The following PCDHGB4 variants were observed in gnomAD, a reference collection of about 807,000 sequenced individuals.
The protein encoded by PCDHGB4 is protocadherin gamma-B4.
Under a neutral mutation model 60.5 loss-of-function variants are expected in PCDHGB4, and 38 were observed. The observed-to-expected ratio is 0.63, with a 90% CI of 0.48 to 0.82. The LOEUF (loss-of-function observed/expected upper bound fraction) is 0.82. Among genes scored for constraint, PCDHGB4 ranks in the 40% least tolerant of loss-of-function variants. The pLI, the probability that PCDHGB4 is intolerant of heterozygous loss-of-function variation, is 0.00. For missense variants in PCDHGB4, 1,109 were observed against 1,209.6 expected, an observed-to-expected ratio of 0.92 and a Z score of 1.23; for synonymous variants, 456 against 509.7, an observed-to-expected ratio of 0.89 and a Z score of 1.42.
chr5:141,490,833 G>C lies in PCDHGB4; in HGVS notation c.2398-3974G>C, dbSNP rs781529579. ...ACTATGAATTGCTGCAGATGCTGCA[G>C]ATTGTGGTGGGGGTTCGAGACTCCG... On this transcript the variant is annotated intron_variant, in intron 1 of 3. Coordinates refer to ENST00000519479, the MANE Select transcript of PCDHGB4 (RefSeq NM_003736.4). This position sits in a 1 kb window ranked among gnomAD's most constrained non-coding sequence, Gnocchi z 5.4. The C allele has an allele frequency of 6.2e-7, 1 of 1,613,932 alleles. No homozygotes were observed. Among genetic ancestry groups the C allele is most frequent in the East Asian group, 2.2e-5 (1 of 44,884 alleles).
At chr5:141,395,358 G>C in intron 1 of PCDHGB4, 1 of 1,346,158 alleles carries the variant, frequency 7.4e-7, no homozygotes, top group Non-Finnish European at 9.9e-7. Flanking sequence ...ACAGAGTTTT[G>C]GGTTTATTTT....
At chr5:141,420,268 T>C (rs375162019) in intron 1 of PCDHGB4, 254 of 1,543,666 alleles carry the variant, frequency 1.6e-4, no homozygotes, top group Non-Finnish European at 2.1e-4. Context: ...AGAAGATTCT[T>C]AAACAGGTAA....
In PCDHGB4 at chr5:141,394,482, G is replaced by T. The variant is rs751618237; in HGVS notation, c.2397+4201G>T. On this transcript the variant is annotated intron_variant, in intron 1 of 3. Coordinates refer to ENST00000519479, the MANE Select transcript of PCDHGB4 (RefSeq NM_003736.4). ...GAGCCTGTTCGTGCTGGACCAGAAT[G>T]ACAACGCGCCCGAGATCCTGTACCC... 8 of 1,614,122 alleles carry T rather than the reference G, an allele frequency of 5.0e-6. No homozygotes were observed. The African/African-American group carries it at 1.1e-4, about 22-fold the overall frequency.
In PCDHGB4 at chr5:141,486,858, C is replaced by T. The variant is rs2099636039; in HGVS notation, c.2398-7949C>T. The T allele has an allele frequency of 2.5e-6, 4 of 1,614,246 alleles. No homozygotes were observed. The highest frequency in any genetic ancestry group is 1.1e-5 in the South Asian group (1 of 91,088). On this transcript the variant is annotated intron_variant, in intron 1 of 3. Transcript: ENST00000519479. The surrounding 1 kb of genome is among the most constrained non-coding windows in gnomAD (Gnocchi z 5.0). ...TTTGTGCTGGACCTCAATGACAATGCTCCAGCTGTGCTCCGTCCTCGGGCC... is the reference window on the plus strand; with the variant it reads ...TTTGTGCTGGACCTCAATGACAATGTTCCAGCTGTGCTCCGTCCTCGGGCC...
chr5:141,460,592 G>C (rs796171299), intron 1 of PCDHGB4, among the ~76,000 whole-genome samples: 12 of 151,976 alleles, frequency 7.9e-5, no homozygotes, highest in African/African-American at 2.9e-4. Flanking sequence ...GTTTTTTCTG[G>C]GCTCTCTGTG....
chr5:141,476,412 G>T lies in PCDHGB4; in HGVS notation c.2398-18395G>T. The T allele has an allele frequency of 1.2e-6, 2 of 1,614,140 alleles. No homozygotes were observed. Among genetic ancestry groups the T allele is most frequent in the Non-Finnish European group, 1.7e-6 (2 of 1,180,010 alleles). On this transcript the variant is annotated intron_variant, in intron 1 of 3. Coordinates refer to ENST00000519479, the MANE Select transcript of PCDHGB4 (RefSeq NM_003736.4). The surrounding 1 kb of genome is among the most constrained non-coding windows in gnomAD (Gnocchi z 7.6). ...CGTCTGGATCGAGAGGAGCTGTGTGGGACACTGCCCTCTTGCACTGTAACT... is the reference window on the plus strand; with the variant it reads ...CGTCTGGATCGAGAGGAGCTGTGTGTGACACTGCCCTCTTGCACTGTAACT...
At chr5:141,448,415 T>C (rs1286455437) in intron 1 of PCDHGB4, among the ~76,000 whole-genome samples, 2 of 152,158 alleles carry the variant, frequency 1.3e-5, no homozygotes, top group African/African-American at 2.4e-5. Context: ...ATCAAAACAA[T>C]ATACTATGTA....
At chr5:141,423,256 G>C (rs751894091) in intron 1 of PCDHGB4, 1 of 1,613,934 alleles carries the variant, frequency 6.2e-7, no homozygotes. Flanking sequence ...GGCGGACCTC[G>C]GCAGCCTCGA....
At chr5:141,419,556 C>A (rs202164819) in intron 1 of PCDHGB4, 227 of 1,611,892 alleles carry the variant, frequency 1.4e-4, no homozygotes, top group Non-Finnish European at 8.6e-5. Context: ...CTGTACCCTG[C>A]GCTGGGTCCC....
At chr5:141,428,186 CCGCTCTCTGCGCCGCTA>C (rs1167279209) in intron 1 of PCDHGB4, 1 of 1,460,956 alleles carries the variant, frequency 6.8e-7, no homozygotes, top group Admixed American at 1.8e-5. Context: ...AGGACAGCCG[CCGCTCTCTGCGCCGCTA>C]CGCTTCACCT....
At position 141,486,460 on chromosome 5, in the gene PCDHGB4, T is replaced by A. The variant is rs1218788640; in HGVS notation, c.2398-8347T>A. 6.2e-7 allele frequency: 1 copy of A among 1,614,146 alleles called. No individual in the cohort carries two copies. Among genetic ancestry groups the A allele is most frequent in the South Asian group, 1.1e-5 (1 of 91,082 alleles). On this transcript the variant is annotated intron_variant, in intron 1 of 3. Coordinates refer to ENST00000519479, the MANE Select transcript of PCDHGB4 (RefSeq NM_003736.4). The surrounding 1 kb of genome is among the most constrained non-coding windows in gnomAD (Gnocchi z 5.0). Reference sequence around the variant, plus strand: ...ATGACATCATGGTCACTGCTTCTGATGCTGGGAACCCTCCTCTCAGTACCC... The same window carrying A: ...ATGACATCATGGTCACTGCTTCTGAAGCTGGGAACCCTCCTCTCAGTACCC...
chr5:141,415,121 C>T (rs2095831464), intron 1 of PCDHGB4: 1 of 1,613,522 alleles, frequency 6.2e-7, no homozygotes, highest in South Asian at 1.1e-5. Context: ...CTCGTAGTGG[C>T]CGTCCAGGAC....
Position 141,491,522 on chromosome 5 carries a change from A to G in PCDHGB4, c.2398-3285A>G, listed in dbSNP as rs778246278. ...TCGGACGGCACGCTCAAGTACATGG[A>G]GGTGACGCTGCGGCCCACAGACTCG... is the stretch of plus-strand genomic sequence containing the variant. On this transcript the variant is annotated intron_variant, in intron 1 of 3. Coordinates refer to ENST00000519479, the MANE Select transcript of PCDHGB4 (RefSeq NM_003736.4). The surrounding 1 kb of genome is among the most constrained non-coding windows in gnomAD (Gnocchi z 6.9). 8.1e-6 allele frequency: 13 copies of G among 1,614,024 alleles called. No homozygotes were observed. Among genetic ancestry groups the G allele is most frequent in the Non-Finnish European group, 1.1e-5 (13 of 1,180,002 alleles).
intron 1 of PCDHGB4, among the ~76,000 whole-genome samples, chr5:141,444,735 C>G (rs924159168): frequency 6.6e-6 from 1 of 152,116 alleles, no homozygotes; most frequent in Admixed American, 6.5e-5. Flanking sequence ...TGTTGAAAGT[C>G]ATTTCACTGA....
intron 1 of PCDHGB4, chr5:141,427,734 C>A (rs2097062807): frequency 1.7e-6 from 2 of 1,207,418 alleles, no homozygotes; most frequent in Non-Finnish European, 2.4e-6. Flanking sequence ...GCTGAATGGC[C>A]AAGTCTCCTA....
Position 141,487,491 on chromosome 5 carries a change from C to T in PCDHGB4, c.2398-7316C>T. ...GTGGGAGGCCACTCTCATGGCTGTA[C>T]ACCCTTGGCTTCTGCACCCACTCGG... is the stretch of plus-strand genomic sequence containing the variant. On this transcript the variant is annotated intron_variant, in intron 1 of 3. Transcript: ENST00000519479. This position sits in a 1 kb window ranked among gnomAD's most constrained non-coding sequence, Gnocchi z 5.0. 6.2e-7 allele frequency: 1 copy of T among 1,614,204 alleles called. No individual in the cohort carries two copies. Among genetic ancestry groups the T allele is most frequent in the Non-Finnish European group, 8.5e-7 (1 of 1,180,034 alleles).
chr5:141,408,300 T>C lies in PCDHGB4; in HGVS notation c.2397+18019T>C. On this transcript the variant is annotated intron_variant, in intron 1 of 3. Coordinates refer to ENST00000519479, the MANE Select transcript of PCDHGB4 (RefSeq NM_003736.4). ...TTCTACCCCACCCTGAGTGAGCCGATCCGCTACTCGATTCCGGAGGAGCTG... is the reference window on the plus strand; with the variant it reads ...TTCTACCCCACCCTGAGTGAGCCGACCCGCTACTCGATTCCGGAGGAGCTG... The C allele has an allele frequency of 1.2e-6, 2 of 1,613,732 alleles. No homozygotes were observed. The highest frequency in any genetic ancestry group is 1.7e-6 in the Non-Finnish European group (2 of 1,179,694).
At chr5:141,406,836 TC>T (rs2094857566) in intron 1 of PCDHGB4, among the ~76,000 whole-genome samples, 1 of 152,232 alleles carries the variant, frequency 6.6e-6, no homozygotes, top group Non-Finnish European at 1.5e-5. Context: ...AACTTGCATA[TC>T]AGATATAATT....
rs76381401 is a variant in PCDHGB4, at chr5:141,399,054, G to A, written c.2397+8773G>A. 4.7e-4 allele frequency: 759 copies of A among 1,613,694 alleles called. 3 individuals are homozygous for A. The African/African-American group carries it at 8.4e-3, about 18-fold the overall frequency. ...AGAAACTGGATTTTGAAGAGACCAAGGAATATTCAATGGTTGTAGAAGGGA... is the reference window on the plus strand; with the variant it reads ...AGAAACTGGATTTTGAAGAGACCAAAGAATATTCAATGGTTGTAGAAGGGA... On this transcript the variant is annotated intron_variant, in intron 1 of 3. Coordinates refer to ENST00000519479, the MANE Select transcript of PCDHGB4 (RefSeq NM_003736.4).
Sources: allele counts gnomAD v4.1 joint callset (sites outside exome capture counted in the v4.1 genomes callset), GRCh38; gene constraint gnomAD v4.1.1; non-coding constraint Gnocchi (gnomAD v3.1); transcripts MANE v1.5; gene names NCBI Gene and HGNC (gene_info 2026-07-23, HGNC 2026-07-21).